STOX2: variants seen among roughly 807,000 people sequenced by gnomAD.
STOX2 encodes the protein storkhead box 2, also known as storkhead-box protein 2.
A neutral mutation model predicts 60.9 loss-of-function variants in STOX2; 28 were observed. The observed-to-expected ratio is 0.46, with a 90% CI of 0.34 to 0.63. The LOEUF (loss-of-function observed/expected upper bound fraction) is 0.63. Among genes scored for constraint, STOX2 ranks in the 30% least tolerant of loss-of-function variants. STOX2 has a pLI of 0.01. For missense variants in STOX2, 1,024 were observed against 1,187.7 expected (o/e 0.86, Z 2.03); for synonymous variants, 472 against 463.9 (o/e 1.02, Z -0.22).
chr4:184,010,251 C>T lies in STOX2; in HGVS notation c.1413C>T (p.His471=). The change falls in exon 3 of 4, where the codon CAC becomes CAT. Residue 471 remains histidine (H), a synonymous_variant. Coordinates refer to ENST00000308497, the MANE Select transcript of STOX2 (RefSeq NM_020225.3). The surrounding 1 kb of genome is among the most constrained non-coding windows in gnomAD (Gnocchi z 4.5). The stretch of plus-strand genomic sequence containing the variant: ...CCCACTCAAAAGTGCACCGAAGCCA[C>T]AGCCATACACAGGACCGGAGGTCCA... ...GSSHSKVHRS[H]SHTQDRRSRN... 2.6e-6 allele frequency: 4 copies of T among 1,566,950 alleles called. No homozygotes were observed. Among genetic ancestry groups the T allele is most frequent in the Non-Finnish European group, 3.5e-6 (4 of 1,156,020 alleles).
chr4:183,894,165 AATTAAAAAT>A (rs1028419149), intron 1 of STOX2, among the ~76,000 whole-genome samples: 5 of 152,230 alleles, frequency 3.3e-5, no homozygotes, highest in Non-Finnish European at 5.9e-5. Context: ...AAATAAAAAA[AATTAAAAAT>A]ATTAAAAATA....
chr4:184,019,201 T>G lies in STOX2; in HGVS notation c.*1917T>G, dbSNP rs373321584. ...TTATAGTGAAACTTCAGCATGTTTC[T>G]TAGTAAACTCCCATACCATTGAAAT... On this transcript the variant is annotated 3_prime_UTR_variant, in exon 4 of 4. Coordinates refer to ENST00000308497, the MANE Select transcript of STOX2 (RefSeq NM_020225.3). The G allele has an allele frequency of 5.3e-5, 8 of 152,364 alleles. No homozygotes were observed. The South Asian group carries it at 8.3e-4, about 16-fold the overall frequency. 9.4% of individuals were successfully genotyped at this position (152,364 alleles called of 1,614,324 possible).
At chr4:183,973,010 T>C (rs1743787578) in intron 1 of STOX2, among the ~76,000 whole-genome samples, 1 of 151,540 alleles carries the variant, frequency 6.6e-6, no homozygotes, top group Admixed American at 6.6e-5. Context: ...GAAGAGACAG[T>C]GGACTTGAAG....
chr4:183,981,680 T>C (rs976601419), intron 1 of STOX2, among the ~76,000 whole-genome samples: 65 of 152,338 alleles, frequency 4.3e-4, no homozygotes, highest in African/African-American at 1.5e-3. Flanking sequence ...TCTTTAGATA[T>C]TGATTAGAAC....
chr4:183,845,327 G>A (rs965674457), intron 1 of STOX2, among the ~76,000 whole-genome samples: 3 of 152,134 alleles, frequency 2.0e-5, no homozygotes, highest in African/African-American at 4.8e-5. Flanking sequence ...CTTCAGAAAA[G>A]CTTAAGCCAG....
chr4:183,874,888 T>C (rs904698500), intron 1 of STOX2, among the ~76,000 whole-genome samples: 1 of 113,660 alleles, frequency 8.8e-6, no homozygotes, highest in Admixed American at 1.2e-4. Flanking sequence ...ATCATGCCAC[T>C]GCACTCCAGC....
At chr4:183,927,265 C>CT (rs1341992211) in intron 1 of STOX2, among the ~76,000 whole-genome samples, 6 of 152,242 alleles carry the variant, frequency 3.9e-5, no homozygotes, top group Non-Finnish European at 7.3e-5. Flanking sequence ...GCCTGGCCCC[C>CT]ATGCCTGGCC....
intron 1 of STOX2, among the ~76,000 whole-genome samples, chr4:183,971,852 C>CGT (rs1743751821): frequency 6.6e-6 from 1 of 152,172 alleles, no homozygotes; most frequent in Admixed American, 6.5e-5. Flanking sequence ...CAAGAGGGAG[C>CGT]GTGTAGCTGA....
At position 184,010,239 on chromosome 4, in the gene STOX2, G is replaced by A. The variant is rs769298839; in HGVS notation, c.1401G>A (p.Val467=). The A allele has an allele frequency of 7.1e-6, 11 of 1,559,820 alleles. No homozygotes were observed. The highest frequency in any genetic ancestry group is 9.5e-6 in the Non-Finnish European group (11 of 1,152,014). Residue 467 remains valine, a synonymous_variant, in exon 3 of 4, where the codon GTG becomes GTA. Transcript: ENST00000308497. This position sits in a 1 kb window ranked among gnomAD's most constrained non-coding sequence, Gnocchi z 4.5. ...CTAGGGGAAGCTCCCACTCAAAAGT[G>A]CACCGAAGCCACAGCCATACACAGG... ...EPSRGSSHSK[V]HRSHSHTQDR...
intron 1 of STOX2, among the ~76,000 whole-genome samples, chr4:183,966,531 C>T (rs1743574418): frequency 6.6e-6 from 1 of 152,314 alleles, no homozygotes; most frequent in Admixed American, 6.5e-5. Context: ...CTCCCGGCGG[C>T]GCCTCCCCCA....
At chr4:183,996,917 AT>A (rs1425133988) in intron 1 of STOX2, among the ~76,000 whole-genome samples, 3 of 152,202 alleles carry the variant, frequency 2.0e-5, no homozygotes, top group African/African-American at 7.2e-5. Context: ...TTTAGCAAAA[AT>A]ATTAATAAAA....
chr4:183,915,804 T>G (rs1364016468), intron 1 of STOX2, among the ~76,000 whole-genome samples: 1 of 152,186 alleles, frequency 6.6e-6, no homozygotes, highest in Non-Finnish European at 1.5e-5. Context: ...GGCTTCACCC[T>G]CAGGGTCCCG....
At chr4:183,945,540 T>C (rs1156959690) in intron 1 of STOX2, among the ~76,000 whole-genome samples, 2 of 152,224 alleles carry the variant, frequency 1.3e-5, no homozygotes, top group Non-Finnish European at 2.9e-5. Context: ...TTTTGCTGGG[T>C]ACAGGTTACT....
intron 1 of STOX2, among the ~76,000 whole-genome samples, chr4:183,914,647 G>A (rs1741878317): frequency 6.6e-6 from 1 of 152,128 alleles, no homozygotes; most frequent in Non-Finnish European, 1.5e-5. Context: ...TGTTCGTTGT[G>A]AACACGAGAA....
intron 2 of STOX2, among the ~76,000 whole-genome samples, chr4:184,006,922 A>G (rs1213064780): frequency 2.1e-5 from 3 of 143,450 alleles, no homozygotes; most frequent in Admixed American, 7.0e-5. Context: ...AGGCTGAGGC[A>G]GGAGAATGGC....
intron 1 of STOX2, among the ~76,000 whole-genome samples, chr4:183,890,884 G>A (rs1037706803): frequency 2.0e-5 from 3 of 152,188 alleles, no homozygotes; most frequent in Non-Finnish European, 4.4e-5. Context: ...GAGGCGGGAG[G>A]ATCGCTGAAG....
chr4:183,834,367 C>T (rs1472612144), intron 1 of STOX2, among the ~76,000 whole-genome samples: 1 of 152,100 alleles, frequency 6.6e-6, no homozygotes, highest in African/African-American at 2.4e-5. Context: ...TTGTTTGTGG[C>T]TTATTTTCCC....
At chr4:183,942,894 A>G (rs1742790173) in intron 1 of STOX2, among the ~76,000 whole-genome samples, 1 of 152,204 alleles carries the variant, frequency 6.6e-6, no homozygotes, top group Admixed American at 6.5e-5. Context: ...TTTGTAAAGT[A>G]AATGGCTTTT....
intron 1 of STOX2, among the ~76,000 whole-genome samples, chr4:183,841,157 G>A (rs956412481): frequency 3.9e-5 from 6 of 151,910 alleles, no homozygotes; most frequent in East Asian, 3.9e-4. Flanking sequence ...GTGTCACCAC[G>A]CCCGGTTCAG....
Sources: allele counts gnomAD v4.1 joint callset (sites outside exome capture counted in the v4.1 genomes callset), GRCh38; gene constraint gnomAD v4.1.1; non-coding constraint Gnocchi (gnomAD v3.1); transcripts MANE v1.5; gene names NCBI Gene and HGNC (gene_info 2026-07-23, HGNC 2026-07-21).